Variants in CAMTA1 observed in about 807,000 individuals in gnomAD.
The protein encoded by CAMTA1 is calmodulin binding transcription activator 1.
Under a neutral mutation model 170.9 loss-of-function variants are expected in CAMTA1, and 27 were observed. The ratio of observed to expected loss-of-function variants is 0.16; its 90% CI spans 0.12 to 0.22. The LOEUF is 0.22. CAMTA1 is among the 10% of genes least tolerant of loss of function. CAMTA1 has a pLI of 1.00. For missense variants in CAMTA1, 1,619 were observed against 2,217.2 expected (o/e 0.73, Z 5.42); for synonymous variants, 833 against 891.5 (o/e 0.93, Z 1.17).
chr1:7,715,876 C>T (rs948673422), intron 11 of CAMTA1, among the ~76,000 whole-genome samples: 1 of 152,146 alleles, frequency 6.6e-6, no homozygotes, highest in Non-Finnish European at 1.5e-5. Flanking sequence ...TGACACTACT[C>T]GGAAGAAGCT....
intron 3 of CAMTA1, among the ~76,000 whole-genome samples, chr1:6,893,907 C>G (rs1675098262): frequency 1.3e-5 from 2 of 152,236 alleles, no homozygotes; most frequent in South Asian, 4.1e-4. Flanking sequence ...ACCCAGGCAT[C>G]CAAATATTTA....
rs1180008352 is a variant in CAMTA1 at position 7,443,286 on chromosome 1, G to A, written c.439-24544G>A. ...ACAGTCCCCTTGAGGCAGGGACCAG[G>A]TCTGTTCTGGTCCCCATCGCATGCT... On this transcript the variant is annotated intron_variant, in intron 5 of 22. Coordinates refer to ENST00000303635, the MANE Select transcript of CAMTA1 (RefSeq NM_015215.4). The surrounding 1 kb of genome is among the most constrained non-coding windows in gnomAD (Gnocchi z 4.1). Among the ~76,000 whole-genome samples, 1 of 152,212 alleles carries A rather than the reference G, an allele frequency of 6.6e-6. No individual in the cohort carries two copies. Among genetic ancestry groups the A allele is most frequent in the African/African-American group, 2.4e-5 (1 of 41,450 alleles).
chr1:7,151,385 C>T (rs557479812), intron 4 of CAMTA1, among the ~76,000 whole-genome samples: 1 of 152,226 alleles, frequency 6.6e-6, no homozygotes, highest in Non-Finnish European at 1.5e-5. Context: ...TTGCAGCGGG[C>T]AACCCTGGAT....
At chr1:7,704,605 G>T (rs1172988608) in intron 11 of CAMTA1, among the ~76,000 whole-genome samples, 42 of 148,832 alleles carry the variant, frequency 2.8e-4, no homozygotes, top group African/African-American at 9.7e-4. Flanking sequence ...CCTCTGCCCG[G>T]CTCCGGGTGA....
chr1:7,129,919 TTGTG>T (rs3058550), intron 4 of CAMTA1, among the ~76,000 whole-genome samples: 11,407 of 146,970 alleles, frequency 0.078, 573 homozygotes, highest in African/African-American at 0.15. Context: ...CTACCTTCTT[TTGTG>T]TGTGTGTGTG....
intron 6 of CAMTA1, among the ~76,000 whole-genome samples, chr1:7,520,231 TCC>T (rs2094345412): frequency 6.2e-5 from 1 of 16,012 alleles, no homozygotes. Flanking sequence ...TCCTCCTCCC[TCC>T]TCCTCTCCCC....
Position 7,532,076 on chromosome 1 carries a change from G to A in CAMTA1, c.510+64175G>A, listed in dbSNP as rs967781775. On this transcript the variant is annotated intron_variant, in intron 6 of 22. Transcript: ENST00000303635. The surrounding 1 kb of genome is among the most constrained non-coding windows in gnomAD (Gnocchi z 4.2). ...GAAAGGCAGAGAGGAAGGGGCAGGG[G>A]CGGCGAATGAGTGACAGAAAAGGAG... Among the ~76,000 whole-genome samples, 5 of 152,224 alleles carry A rather than the reference G, an allele frequency of 3.3e-5. No individual in the cohort carries two copies. The highest frequency in any genetic ancestry group is 1.2e-4 in the African/African-American group (5 of 41,452).
At chr1:7,284,683 C>T (rs1270969372) in intron 5 of CAMTA1, among the ~76,000 whole-genome samples, 1 of 152,308 alleles carries the variant, frequency 6.6e-6, no homozygotes, top group Non-Finnish European at 1.5e-5. Flanking sequence ...CTTCCCTGTG[C>T]TTAACTGGAT....
chr1:7,488,711 A>T (rs982916775), intron 6 of CAMTA1, among the ~76,000 whole-genome samples: 1 of 152,210 alleles, frequency 6.6e-6, no homozygotes, highest in East Asian at 1.9e-4. Context: ...ATACATATGC[A>T]TACATACCCA....
At chr1:6,972,674 A>G (rs950027835) in intron 3 of CAMTA1, among the ~76,000 whole-genome samples, 6 of 152,210 alleles carry the variant, frequency 3.9e-5, no homozygotes, top group Non-Finnish European at 7.3e-5. Flanking sequence ...TAGAGGGGCC[A>G]AAGCCTGAAT....
intron 3 of CAMTA1, among the ~76,000 whole-genome samples, chr1:7,084,164 CAT>C (rs980857658): frequency 1.3e-5 from 2 of 151,176 alleles, no homozygotes; most frequent in African/African-American, 2.4e-5. Flanking sequence ...TGTATAAATA[CAT>C]ATATATATAT....
chr1:7,697,136 G>A (rs1194708784), intron 11 of CAMTA1, among the ~76,000 whole-genome samples: 1 of 152,168 alleles, frequency 6.6e-6, no homozygotes. Context: ...AAGCTCATTC[G>A]AACAGCATAG....
intron 3 of CAMTA1, among the ~76,000 whole-genome samples, chr1:7,053,649 G>T (rs577750901): frequency 2.6e-5 from 4 of 152,250 alleles, no homozygotes; most frequent in Admixed American, 2.6e-4. Flanking sequence ...TCCACTCTGG[G>T]GACACAGGCA....
chr1:7,429,521 A>ATGGTGATGAT (rs1557699612), intron 5 of CAMTA1, among the ~76,000 whole-genome samples: 1 of 151,444 alleles, frequency 6.6e-6, no homozygotes, highest in South Asian at 2.1e-4. Context: ...GTGGTACTGA[A>ATGGTGATGAT]GGTGATGGTG....
At chr1:7,579,148 C>T (rs1310504850) in intron 6 of CAMTA1, among the ~76,000 whole-genome samples, 2 of 152,344 alleles carry the variant, frequency 1.3e-5, no homozygotes, top group African/African-American at 2.4e-5. Flanking sequence ...TGGAGAGGGA[C>T]GTGCCTGGGG....
At chr1:7,450,132 CA>C (rs1283064885) in intron 5 of CAMTA1, among the ~76,000 whole-genome samples, 1 of 152,204 alleles carries the variant, frequency 6.6e-6, no homozygotes, top group East Asian at 1.9e-4. Context: ...CACCATCCCG[CA>C]AGCCATGGGT....
In CAMTA1 at chr1:7,712,693, C is replaced by T. The variant is rs149094869; in HGVS notation, c.2915-19755C>T. Among the ~76,000 whole-genome samples the T allele has an allele frequency of 6.2e-3, 941 of 152,230 alleles. 13 individuals carry two copies. The highest frequency in any genetic ancestry group is 0.022 in the African/African-American group (898 of 41,528). On this transcript the variant is annotated intron_variant, in intron 11 of 22. Transcript: ENST00000303635. ...TCTGAGGTGGCTCAGATAATTAAAA[C>T]AAGGATAGGGAAATAGTCCATTTTC...
intron 3 of CAMTA1, among the ~76,000 whole-genome samples, chr1:6,883,878 T>C (rs1672344280): frequency 6.6e-6 from 1 of 152,182 alleles, no homozygotes; most frequent in African/African-American, 2.4e-5. Flanking sequence ...TTGTAATATA[T>C]TTTATTTTAC....
chr1:7,166,960 G>A (rs760898349), intron 4 of CAMTA1, among the ~76,000 whole-genome samples: 24 of 151,592 alleles, frequency 1.6e-4, no homozygotes, highest in Admixed American at 2.0e-4. Context: ...ACAGGTACCC[G>A]CCACCCCGCC....
Sources: gnomAD v4.1 joint callset for allele counts (sites outside exome capture counted in the v4.1 genomes callset) on GRCh38, gnomAD v4.1.1 for gene constraint, Gnocchi (gnomAD v3.1) non-coding constraint, MANE v1.5 for transcripts, NCBI Gene and HGNC (gene_info 2026-07-23, HGNC 2026-07-21) for gene names.